ACOT7: variants seen among roughly 807,000 people sequenced by gnomAD.
ACOT7 encodes the protein acyl-CoA thioesterase 7.
In ACOT7, 12 loss-of-function variants were observed where a neutral mutation model predicts 40.2. That is an observed-to-expected ratio of 0.30 (90% CI 0.19 to 0.48). ACOT7 has a LOEUF of 0.48. Among genes scored for constraint, ACOT7 ranks in the 20% least tolerant of loss-of-function variants. The pLI, the probability that ACOT7 is intolerant of heterozygous loss-of-function variation, is 0.99. For missense variants in ACOT7, 395 were observed against 530.8 expected, an observed-to-expected ratio of 0.74 and a Z score of 2.51; for synonymous variants, 228 against 219.5, an observed-to-expected ratio of 1.04 and a Z score of -0.34.
chr1:6,284,809 C>T (rs1052937475), intron 7 of ACOT7, among the ~76,000 whole-genome samples: 5 of 152,216 alleles, frequency 3.3e-5, no homozygotes, highest in African/African-American at 1.2e-4. Context: ...CCCCTGCTTT[C>T]CACACCCCAC....
In ACOT7 at chr1:6,358,997, A is replaced by G; in HGVS notation, c.144-9131T>C. On this transcript the variant is annotated intron_variant, in intron 1 of 8. Coordinates refer to ENST00000361521, the MANE Select transcript of ACOT7 (RefSeq NM_007274.4). This position sits in a 1 kb window ranked among gnomAD's most constrained non-coding sequence, Gnocchi z 4.1. The stretch of plus-strand genomic sequence containing the variant: ...CCACCCCCAGCTTCCTGAGCTGCCC[A>G]ATCTGGCCAGGAAGAGGCTGCCTCG... The G allele has an allele frequency of 1.5e-6, 2 of 1,365,214 alleles. No individual in the cohort carries two copies. The highest frequency in any genetic ancestry group is 5.6e-5 in the East Asian group (2 of 35,890). The allele number at this position is 1,365,214 out of a possible 1,614,324, so 84.6% of individuals were successfully genotyped here.
intron 5 of ACOT7, among the ~76,000 whole-genome samples, chr1:6,326,095 G>T (rs557139618): frequency 5.3e-5 from 8 of 152,112 alleles, no homozygotes; most frequent in African/African-American, 1.7e-4. Context: ...CTGCCATCCC[G>T]CATGAGGTAC....
intron 5 of ACOT7, 99 bp downstream of exon 5, chr1:6,327,200 G>T: frequency 8.2e-7 from 1 of 1,213,906 alleles, no homozygotes. Flanking sequence ...AGCACCTGGG[G>T]AACCTCAAGC....
In ACOT7 at chr1:6,378,838, G is replaced by A. The variant is rs537411940; in HGVS notation, c.143+14419C>T. Among the ~76,000 whole-genome samples the A allele has an allele frequency of 1.8e-3, 274 of 151,968 alleles. 1 individual carries two copies. The highest frequency in any genetic ancestry group is 2.7e-3 in the Non-Finnish European group (182 of 67,888). On this transcript the variant is annotated intron_variant, in intron 1 of 8. Coordinates refer to ENST00000361521, the MANE Select transcript of ACOT7 (RefSeq NM_007274.4). The stretch of plus-strand genomic sequence containing the variant: ...GGGAAACAGATGTGGACAGGTGCAC[G>A]GCGTGGCCTGCCCCTGAGAAGTAAT...
At chr1:6,318,400 G>T in intron 6 of ACOT7, 92 bp downstream of exon 6, 1 of 1,366,224 alleles carries the variant, frequency 7.3e-7, no homozygotes, top group Non-Finnish European at 1.0e-6. Context: ...AAACACAAGA[G>T]CCTCAAGTGT....
In ACOT7 at chr1:6,299,501, G is replaced by A. The variant is rs1022782851; in HGVS notation, c.713-4521C>T. 6.6e-6 allele frequency among the ~76,000 whole-genome samples: 1 copy of A among 152,052 alleles called. No individual in the cohort carries two copies. The highest frequency in any genetic ancestry group is 2.4e-5 in the African/African-American group (1 of 41,394). ...CCAGGCACCACACACAGAGGGCATAGAGGACAGTCGGCCTCCCCTTACCAG... is the reference window on the plus strand; with the variant it reads ...CCAGGCACCACACACAGAGGGCATAAAGGACAGTCGGCCTCCCCTTACCAG... On this transcript the variant is annotated intron_variant, in intron 6 of 8. Transcript: ENST00000361521. The surrounding 1 kb of genome is among the most constrained non-coding windows in gnomAD (Gnocchi z 4.1).
chr1:6,340,254 C>T (rs1171110132), intron 2 of ACOT7, among the ~76,000 whole-genome samples: 1 of 152,186 alleles, frequency 6.6e-6, no homozygotes, highest in Admixed American at 6.5e-5. Context: ...GCATGAGCCA[C>T]CGCGCCCGGC....
rs1295929290 is a variant in ACOT7 at position 6,393,683 on chromosome 1, C to T, written c.-284G>A. 1.7e-5 allele frequency: 4 copies of T among 232,526 alleles called. No individual in the cohort carries two copies. Among genetic ancestry groups the T allele is most frequent in the Non-Finnish European group, 3.3e-5 (4 of 121,140 alleles). The allele number at this position is 232,526 out of a possible 1,614,324, so 14.4% of individuals were successfully genotyped here. A position where few individuals can be genotyped will look rare whatever the true frequency, so the allele number is the denominator to read the frequency against. The stretch of plus-strand genomic sequence containing the variant: ...GCAGCCGCGCCCGACCCGGTGGCAG[C>T]CCCGAGGGAAGCGTCTGGGGCGGCC... On this transcript the variant is annotated 5_prime_UTR_variant, in exon 1 of 9. Coordinates refer to ENST00000361521, the MANE Select transcript of ACOT7 (RefSeq NM_007274.4).
chr1:6,383,507 G>A (rs182034161), intron 1 of ACOT7, among the ~76,000 whole-genome samples: 14 of 150,670 alleles, frequency 9.3e-5, no homozygotes, highest in African/African-American at 2.4e-4. Context: ...TTTTTTTAAC[G>A]GTAAATTATA....
At chr1:6,324,919 T>C (rs2148428252) in intron 5 of ACOT7, among the ~76,000 whole-genome samples, 1 of 152,316 alleles carries the variant, frequency 6.6e-6, no homozygotes, top group South Asian at 2.1e-4. Context: ...AGCGCTGTGT[T>C]GGTGCCTTTC....
At chr1:6,351,353 C>T (rs1315946571) in intron 1 of ACOT7, among the ~76,000 whole-genome samples, 8 of 152,258 alleles carry the variant, frequency 5.3e-5, no homozygotes, top group African/African-American at 1.9e-4. Flanking sequence ...CCAGAGCACA[C>T]AAGAAACCTC....
rs985628539 is a variant in ACOT7, at chr1:6,306,199, C to T, written c.713-11219G>A. On this transcript the variant is annotated intron_variant, in intron 6 of 8. Coordinates refer to ENST00000361521, the MANE Select transcript of ACOT7 (RefSeq NM_007274.4). This position sits in a 1 kb window ranked among gnomAD's most constrained non-coding sequence, Gnocchi z 4.3. Reference sequence around the variant, plus strand: ...CCGTGGCAAGAGAGGGAGAGGGAGACCGTGGGGAGAGGGGGAGGGGGAGGG... The same window carrying T: ...CCGTGGCAAGAGAGGGAGAGGGAGATCGTGGGGAGAGGGGGAGGGGGAGGG... 3.7e-6 allele frequency: 3 copies of T among 818,508 alleles called. No homozygotes were observed. The African/African-American group carries it at 1.6e-4, about 43-fold the overall frequency. 50.7% of individuals were successfully genotyped at this position (818,508 alleles called of 1,614,324 possible). A position where few individuals can be genotyped will look rare whatever the true frequency, so the allele number is the denominator to read the frequency against.
chr1:6,325,160 AG>A (rs1390269849), intron 5 of ACOT7, among the ~76,000 whole-genome samples: 1 of 152,214 alleles, frequency 6.6e-6, no homozygotes, highest in Non-Finnish European at 1.5e-5. Flanking sequence ...GCTCTTTGGG[AG>A]GCCGAGGTGG....
At chr1:6,264,998 C>A (rs74049517) in intron 8 of ACOT7, among the ~76,000 whole-genome samples, 4,216 of 152,260 alleles carry the variant, frequency 0.028, 98 homozygotes, top group African/African-American at 0.053. Flanking sequence ...AAGGGCATGG[C>A]GGGTCAGAAG....
chr1:6,381,809 TC>T (rs1353706993), intron 1 of ACOT7, among the ~76,000 whole-genome samples: 1 of 151,842 alleles, frequency 6.6e-6, no homozygotes, highest in African/African-American at 2.4e-5. Context: ...ATGTGGTCCA[TC>T]CATGAAATGG....
intron 5 of ACOT7, among the ~76,000 whole-genome samples, chr1:6,325,480 TTTTC>T (rs1188991168): frequency 1.3e-5 from 2 of 152,182 alleles, no homozygotes; most frequent in Admixed American, 6.5e-5. Flanking sequence ...GACACATTAA[TTTTC>T]TTTCTTTCTT....
At chr1:6,269,558 G>A (rs763213895) in intron 8 of ACOT7, among the ~76,000 whole-genome samples, 11 of 152,256 alleles carry the variant, frequency 7.2e-5, no homozygotes, top group Admixed American at 1.3e-4. Flanking sequence ...AGGCGGGCAC[G>A]AGCCCAGGTG....
chr1:6,318,608 T>C (rs1485034277), intron 5 of ACOT7, 30 bp from the exon 6 acceptor site: 3 of 1,606,384 alleles, frequency 1.9e-6, no homozygotes, highest in Non-Finnish European at 2.6e-6. Context: ...AGATTAGTTA[T>C]GGGGTAGGCT....
chr1:6,326,382 T>A (rs771538210), intron 5 of ACOT7, among the ~76,000 whole-genome samples: 1 of 152,146 alleles, frequency 6.6e-6, no homozygotes, highest in South Asian at 2.1e-4. Flanking sequence ...AGGCAAAACA[T>A]CTCATCGTGC....
Sources: gnomAD v4.1 joint callset for allele counts (sites outside exome capture counted in the v4.1 genomes callset) on GRCh38, gnomAD v4.1.1 for gene constraint, Gnocchi (gnomAD v3.1) non-coding constraint, MANE v1.5 for transcripts, NCBI Gene and HGNC (gene_info 2026-07-23, HGNC 2026-07-21) for gene names.